EPHA3: variants seen among roughly 807,000 people sequenced by gnomAD.
The protein encoded by EPHA3 is EPH receptor A3.
Under a neutral mutation model 107.1 loss-of-function variants are expected in EPHA3, and 42 were observed. The ratio of observed to expected loss-of-function variants is 0.39; its 90% CI spans 0.31 to 0.51. EPHA3 has a LOEUF of 0.51. Among genes scored for constraint, EPHA3 ranks in the 20% least tolerant of loss-of-function variants. The pLI, the probability that EPHA3 is intolerant of heterozygous loss-of-function variation, is 0.78. For missense variants in EPHA3, 1,183 were observed against 1,211.2 expected (o/e 0.98, Z 0.35); for synonymous variants, 461 against 424.8 (o/e 1.09, Z -1.05).
intron 5 of EPHA3, among the ~76,000 whole-genome samples, chr3:89,392,288 A>G (rs1453924707): frequency 6.6e-6 from 1 of 152,026 alleles, no homozygotes; most frequent in Non-Finnish European, 1.5e-5. Context: ...AAAATACGAA[A>G]ATTAGCTGGG....
At chr3:89,305,877 C>A (rs1433457108) in intron 3 of EPHA3, among the ~76,000 whole-genome samples, 1 of 152,082 alleles carries the variant, frequency 6.6e-6, no homozygotes, top group Non-Finnish European at 1.5e-5. Flanking sequence ...CGATGAAACA[C>A]CAGCTTAAAT....
intron 6 of EPHA3, among the ~76,000 whole-genome samples, chr3:89,396,458 G>A (rs1009714123): frequency 1.3e-5 from 2 of 151,986 alleles, no homozygotes; most frequent in African/African-American, 4.8e-5. Context: ...TAAAAGGTTG[G>A]GGATAGATGG....
chr3:89,250,335 T>G (rs1440089487), intron 3 of EPHA3, among the ~76,000 whole-genome samples: 1 of 152,206 alleles, frequency 6.6e-6, no homozygotes, highest in Non-Finnish European at 1.5e-5. Context: ...TCCATCATAT[T>G]TATTGCCCTT....
At chr3:89,168,309 G>A (rs1705126305) in intron 2 of EPHA3, among the ~76,000 whole-genome samples, 1 of 152,124 alleles carries the variant, frequency 6.6e-6, no homozygotes, top group African/African-American at 2.4e-5. Flanking sequence ...ATCTTGATAG[G>A]AAGCAGATAA....
At chr3:89,467,265 A>G (rs192028369) in intron 15 of EPHA3, among the ~76,000 whole-genome samples, 13 of 152,324 alleles carry the variant, frequency 8.5e-5, no homozygotes, top group Admixed American at 6.5e-4. Context: ...CTCAAACAAT[A>G]ATAAATTCAG....
intron 5 of EPHA3, among the ~76,000 whole-genome samples, chr3:89,371,412 TC>T (rs1708298224): frequency 6.6e-6 from 1 of 151,728 alleles, no homozygotes; most frequent in African/African-American, 2.4e-5. Context: ...AGGAATCTTT[TC>T]ATTCTGGGTC....
chr3:89,146,414 T>C (rs1704559866), intron 2 of EPHA3, among the ~76,000 whole-genome samples: 1 of 152,014 alleles, frequency 6.6e-6, no homozygotes, highest in Non-Finnish European at 1.5e-5. Flanking sequence ...CTTTTATTCA[T>C]ATATTTGTTG....
chr3:89,448,926 G>A (rs1233422467), intron 13 of EPHA3, among the ~76,000 whole-genome samples: 1 of 151,812 alleles, frequency 6.6e-6, no homozygotes, highest in African/African-American at 2.4e-5. Context: ...AGGTTGTTTT[G>A]TTGCAGATGA....
intron 3 of EPHA3, among the ~76,000 whole-genome samples, chr3:89,231,455 T>G (rs1704632951): frequency 6.6e-6 from 1 of 152,236 alleles, no homozygotes; most frequent in Non-Finnish European, 1.5e-5. Flanking sequence ...GCAATTTGTT[T>G]GCTATTTGCC....
intron 2 of EPHA3, among the ~76,000 whole-genome samples, chr3:89,175,912 ATTG>A (rs1314236937): frequency 1.3e-5 from 2 of 151,996 alleles, no homozygotes; most frequent in Admixed American, 6.6e-5. Flanking sequence ...TTCTGTTGTT[ATTG>A]TTGTTTTTTT....
At chr3:89,460,303 T>C (rs1462414090) in intron 15 of EPHA3, among the ~76,000 whole-genome samples, 1 of 151,336 alleles carries the variant, frequency 6.6e-6, no homozygotes, top group Non-Finnish European at 1.5e-5. Context: ...AAAAATTAGA[T>C]AATACATTCA....
At chr3:89,459,092 C>A (rs574661464) in intron 15 of EPHA3, among the ~76,000 whole-genome samples, 1 of 152,178 alleles carries the variant, frequency 6.6e-6, no homozygotes, top group East Asian at 1.9e-4. Flanking sequence ...GAGCTTAAAA[C>A]CTAGATGATG....
At chr3:89,145,298 T>C (rs199624172) in intron 2 of EPHA3, among the ~76,000 whole-genome samples, 6 of 141,152 alleles carry the variant, frequency 4.3e-5, no homozygotes, top group Non-Finnish European at 7.9e-5. Flanking sequence ...CACACACACA[T>C]AATAGTGTAT....
chr3:89,468,372 T>A (rs1710332380), intron 15 of EPHA3, among the ~76,000 whole-genome samples: 1 of 152,162 alleles, frequency 6.6e-6, no homozygotes. Flanking sequence ...ACTAATTTTC[T>A]CTAAACTCTT....
At chr3:89,158,458 G>T (rs1439889592) in intron 2 of EPHA3, among the ~76,000 whole-genome samples, 1 of 152,012 alleles carries the variant, frequency 6.6e-6, no homozygotes, top group South Asian at 2.1e-4. Context: ...GCAAAGTATT[G>T]GTTGGCTATT....
chr3:89,115,347 G>A (rs1348838780), intron 1 of EPHA3, among the ~76,000 whole-genome samples: 1 of 151,724 alleles, frequency 6.6e-6, no homozygotes, highest in Non-Finnish European at 1.5e-5. Context: ...TTTCCCCTGT[G>A]CATATTCAAA....
intron 3 of EPHA3, among the ~76,000 whole-genome samples, chr3:89,297,283 T>C (rs1233194100): frequency 1.3e-5 from 2 of 152,204 alleles, no homozygotes; most frequent in Non-Finnish European, 2.9e-5. Context: ...AGCTTAATCA[T>C]TCTAGTTTTT....
At chr3:89,192,916 A>G (rs1705752940) in intron 2 of EPHA3, among the ~76,000 whole-genome samples, 1 of 152,112 alleles carries the variant, frequency 6.6e-6, no homozygotes, top group South Asian at 2.1e-4. Flanking sequence ...AAATCAATAA[A>G]TAATCACTTG....
chr3:89,263,554 A>G (rs999423096), intron 3 of EPHA3, among the ~76,000 whole-genome samples: 1 of 152,054 alleles, frequency 6.6e-6, no homozygotes, highest in African/African-American at 2.4e-5. Context: ...CAGGTAGGTA[A>G]TCTTCCCCTG....
Sources: allele counts gnomAD v4.1 joint callset (sites outside exome capture counted in the v4.1 genomes callset), GRCh38; gene constraint gnomAD v4.1.1; transcripts MANE v1.5; gene names NCBI Gene and HGNC (gene_info 2026-07-23, HGNC 2026-07-21).